Variants in ASB14 observed in about 807,000 individuals in gnomAD.
The protein encoded by ASB14 is ankyrin repeat and SOCS box protein 14.
In ASB14, 63 loss-of-function variants were observed where a neutral mutation model predicts 55.6. The ratio of observed to expected loss-of-function variants is 1.13; its 90% CI spans 0.92 to 1.40. The LOEUF (loss-of-function observed/expected upper bound fraction) is 1.40. Ranked by LOEUF, ASB14 falls within the 40% of genes most tolerant of loss-of-function variation. The pLI, the probability that ASB14 is intolerant of heterozygous loss-of-function variation, is 0.00. For synonymous variants in ASB14, 256 were observed against 259.9 expected (o/e 0.98, Z 0.15); for missense variants, 724 against 710.4 (o/e 1.02, Z -0.22).
Position 57,283,438 on chromosome 3 carries a change from A to C in ASB14, c.471T>G (p.Ala157=). 2 of 1,550,950 alleles carry C rather than the reference A, an allele frequency of 1.3e-6. No homozygotes were observed. Among genetic ancestry groups the C allele is most frequent in the Non-Finnish European group, 1.7e-6 (2 of 1,146,648 alleles). The change falls in exon 6 of 11, where the codon GCT becomes GCG. Residue 157 remains alanine, a splice_region_variant and synonymous_variant. Coordinates refer to ENST00000487349, the MANE Select transcript of ASB14 (RefSeq NM_001142733.3). The part of the protein sequence containing the change: ...NFEGNSPLLA[A]VLRDCYDMAA... ...CCATGTCATAGCAGTCACGCAGCAC[A>C]GCTGGGAAATGAGAAGTGTGGTGGG...
intron 5 of ASB14, among the ~76,000 whole-genome samples, chr3:57,285,984 A>G (rs2061078086): frequency 6.6e-6 from 1 of 152,234 alleles, no homozygotes; most frequent in African/African-American, 2.4e-5. Flanking sequence ...AGTAGGGAAC[A>G]AGAAAGTTTT....
At chr3:57,286,188 G>A (rs2061079632) in intron 5 of ASB14, among the ~76,000 whole-genome samples, 1 of 151,344 alleles carries the variant, frequency 6.6e-6, no homozygotes, top group South Asian at 2.1e-4. Flanking sequence ...TTCATCTTTT[G>A]TATATTATGT....
chr3:57,268,530 A>G lies in ASB14; in HGVS notation c.*1111T>C, dbSNP rs2060911286. The stretch of plus-strand genomic sequence containing the variant: ...CTGGATCTTTATGTGTTGTTTGTGA[A>G]GACTTAATTCAGCACTATGACTTTC... On this transcript the variant is annotated 3_prime_UTR_variant, in exon 11 of 11. Coordinates refer to ENST00000487349, the MANE Select transcript of ASB14 (RefSeq NM_001142733.3). 1 of 1,540,724 alleles carries G rather than the reference A, an allele frequency of 6.5e-7. No homozygotes were observed. Among genetic ancestry groups the G allele is most frequent in the East Asian group, 2.3e-5 (1 of 44,176 alleles).
At chr3:57,273,938 TG>T (rs1273954095) in intron 10 of ASB14, among the ~76,000 whole-genome samples, 30 of 152,326 alleles carry the variant, frequency 2.0e-4, no homozygotes, top group African/African-American at 7.2e-4. Flanking sequence ...AGGGAATAGA[TG>T]AAATTAACTT....
rs1317675869 is a variant in ASB14, at chr3:57,288,025, G to T, written c.345C>A (p.His115Gln). 1.3e-6 allele frequency: 2 copies of T among 1,537,374 alleles called. No individual in the cohort carries two copies. The highest frequency in any genetic ancestry group is 1.7e-6 in the Non-Finnish European group (2 of 1,146,922). ...CCAAAAAAAGTGGCGTTTCACCATT[G>T]TGAGTGGTTTGCTCCCACAGACTGG... ...SDPSLWEQTTHNGETPLFLAV... is the reference protein window; with the variant it reads ...SDPSLWEQTTQNGETPLFLAV... The change falls in exon 5 of 11, where the codon CAC becomes CAA. Residue 115 changes from histidine (H) to glutamine (Q), a missense_variant. His to Gln is a conservative substitution (Grantham distance 24, BLOSUM62 0). Coordinates refer to ENST00000487349, the MANE Select transcript of ASB14 (RefSeq NM_001142733.3).
chr3:57,274,650 A>G lies in ASB14; in HGVS notation c.*22+1878T>C, dbSNP rs569615498. On this transcript the variant is annotated intron_variant, in intron 10 of 10. Transcript: ENST00000487349. ...TGCAGTGAGCTGAGATTGCACCACC[A>G]CACTCCAGCCTGGGTGACAGGGCGA... Among the ~76,000 whole-genome samples the G allele has an allele frequency of 2.0e-5, 3 of 152,222 alleles. No homozygotes were observed. In the South Asian group the frequency reaches 6.2e-4, roughly 32 times the overall value.
At chr3:57,289,526 G>A (rs1290547989) in intron 2 of ASB14, among the ~76,000 whole-genome samples, 2 of 152,068 alleles carry the variant, frequency 1.3e-5, no homozygotes. Context: ...TTAAAAAATA[G>A]TAAATAAAAA....
At chr3:57,284,540 A>G (rs938655075) in intron 5 of ASB14, among the ~76,000 whole-genome samples, 2 of 152,212 alleles carry the variant, frequency 1.3e-5, no homozygotes, top group Admixed American at 6.5e-5. Context: ...GGCATTTTCC[A>G]TGACCTATCA....
intron 10 of ASB14, among the ~76,000 whole-genome samples, chr3:57,274,011 A>AAGAT (rs1479203485): frequency 6.6e-6 from 1 of 152,060 alleles, no homozygotes; most frequent in African/African-American, 2.4e-5. Flanking sequence ...TCTATATTGA[A>AAGAT]AGATATAATC....
intron 2 of ASB14, among the ~76,000 whole-genome samples, chr3:57,291,034 G>A (rs538776068): frequency 6.6e-6 from 1 of 152,242 alleles, no homozygotes; most frequent in South Asian, 2.1e-4. Flanking sequence ...TCCTCTCTAA[G>A]TAGGGATAAT....
rs557384856 is a variant in ASB14, at chr3:57,268,614, T to A, written c.*1027A>T. On this transcript the variant is annotated 3_prime_UTR_variant, in exon 11 of 11. Coordinates refer to ENST00000487349, the MANE Select transcript of ASB14 (RefSeq NM_001142733.3). ...CTTGTTCAGCCACTTCATAAACAGA[T>A]GATTCATACCATAGCAGAAAAGGGT... The A allele has an allele frequency of 9.1e-6, 10 of 1,096,112 alleles. No individual in the cohort carries two copies. Among genetic ancestry groups the A allele is most frequent in the Non-Finnish European group, 1.2e-5 (10 of 801,574 alleles). The allele number at this position is 1,096,112 out of a possible 1,614,324, so 67.9% of individuals were successfully genotyped here.
Position 57,278,440 on chromosome 3 carries a change from T to G in ASB14, c.1368A>C (p.Gly456=), listed in dbSNP as rs76869422. The part of the protein sequence containing the change: ...DTERCFDCPH[G]DKVHPSYTVE... Reference sequence around the variant, plus strand: ...CAGTATAGGAAGGATGGACTTTGTCTCCATGTGGGCAATCAAAACATCGCT... The same window carrying G: ...CAGTATAGGAAGGATGGACTTTGTCGCCATGTGGGCAATCAAAACATCGCT... Residue 456 remains glycine, a synonymous_variant, in exon 8 of 11, where the codon GGA becomes GGC. Transcript: ENST00000487349. 1.3e-3 allele frequency: 2,067 copies of G among 1,614,190 alleles called. 2 individuals carry two copies. Among genetic ancestry groups the G allele is most frequent in the Non-Finnish European group, 1.6e-3 (1,903 of 1,180,026 alleles).
Position 57,268,470 on chromosome 3 carries a change from C to T in ASB14, c.*1171G>A. 1 of 1,603,720 alleles carries T rather than the reference C, an allele frequency of 6.2e-7. No individual in the cohort carries two copies. Among genetic ancestry groups the T allele is most frequent in the East Asian group, 2.2e-5 (1 of 44,654 alleles). On this transcript the variant is annotated 3_prime_UTR_variant, in exon 11 of 11. Transcript: ENST00000487349. ...GAAGCAACAGAAAGAACTCAATAAA[C>T]AAAAACAGATTGAAAAGGTATACAG...
intron 2 of ASB14, among the ~76,000 whole-genome samples, chr3:57,289,331 A>G (rs186057999): frequency 9.9e-5 from 15 of 152,228 alleles, no homozygotes; most frequent in East Asian, 5.8e-4. Flanking sequence ...CCCTAACTCT[A>G]TCTGTCTTCC....
intron 10 of ASB14, among the ~76,000 whole-genome samples, chr3:57,275,812 G>A (rs545044816): frequency 1.3e-5 from 2 of 152,310 alleles, no homozygotes; most frequent in East Asian, 3.9e-4. Flanking sequence ...TGTACAGCAT[G>A]TTACTGTACT....
At position 57,280,294 on chromosome 3, in the gene ASB14, A is replaced by G; in HGVS notation, c.887+8T>C. ...TTTATTATTTATAATAATGTAATTG[A>G]ACTTAACAGTAAGTGGCCCCTGTCA... On this transcript the variant is annotated splice_region_variant and intron_variant, in intron 7 of 10. Coordinates refer to ENST00000487349, the MANE Select transcript of ASB14 (RefSeq NM_001142733.3). The G allele has an allele frequency of 1.3e-6, 2 of 1,536,308 alleles. No individual in the cohort carries two copies. The highest frequency in any genetic ancestry group is 1.8e-6 in the Non-Finnish European group (2 of 1,136,824).
Position 57,291,921 on chromosome 3 carries a change from T to G in ASB14, c.113A>C (p.Lys38Thr). 2.6e-6 allele frequency: 4 copies of G among 1,534,824 alleles called. No homozygotes were observed. The highest frequency in any genetic ancestry group is 3.5e-6 in the Non-Finnish European group (4 of 1,144,660). ...ATGAGAAAACCATTACCTCTCATCC[T>G]TAGGTGCATGTTGTGCTGTTCCTGG... ...YKPGTAQHAP[K>T]DESLHSFLSA... Residue 38 changes from lysine to threonine, a missense_variant, in exon 2 of 11, where the codon AAG (lysine) becomes ACG (threonine). Coordinates refer to ENST00000487349, the MANE Select transcript of ASB14 (RefSeq NM_001142733.3).
intron 10 of ASB14, among the ~76,000 whole-genome samples, chr3:57,273,808 C>T (rs2107618218): frequency 6.6e-6 from 1 of 152,286 alleles, no homozygotes; most frequent in East Asian, 1.9e-4. Context: ...AATTTCAATA[C>T]TAATGCATAT....
In ASB14 at chr3:57,278,545, T is replaced by TAAA. The variant is rs1196446011; in HGVS notation, c.1260_1262dup (p.Pro420_Leu421insPhe). On this transcript the variant is annotated inframe_insertion, in exon 8 of 11. Coordinates refer to ENST00000487349, the MANE Select transcript of ASB14 (RefSeq NM_001142733.3). ...TGTATTGCAGTGCTGATGGGAAATG[T>TAAA]AAAGGGTTAACTCTGCAGAAGTAAT... The TAAA allele has an allele frequency of 6.2e-7, 1 of 1,614,198 alleles. No individual in the cohort carries two copies. The highest frequency in any genetic ancestry group is 1.7e-5 in the Admixed American group (1 of 60,016).
Sources: gnomAD v4.1 joint callset for allele counts (sites outside exome capture counted in the v4.1 genomes callset) on GRCh38, gnomAD v4.1.1 for gene constraint, MANE v1.5 for transcripts, NCBI Gene and HGNC (gene_info 2026-07-23, HGNC 2026-07-21) for gene names.